SEMA3D: variants seen among roughly 807,000 people sequenced by gnomAD.
SEMA3D encodes the protein semaphorin-3D.
SEMA3D carries 84 observed loss-of-function variants against 100.1 expected under a neutral mutation model. The ratio of observed to expected loss-of-function variants is 0.84; its 90% CI spans 0.70 to 1.01. The LOEUF (loss-of-function observed/expected upper bound fraction) is 1.01. Ranked by LOEUF, SEMA3D falls within the 50% of genes least tolerant of loss-of-function variation. SEMA3D has a pLI of 0.00. For synonymous variants in SEMA3D, 312 were observed against 320.7 expected, an observed-to-expected ratio of 0.97 and a Z score of 0.29; for missense variants, 875 against 934.1, an observed-to-expected ratio of 0.94 and a Z score of 0.82.
At chr7:85,017,630 A>G (rs940893736) in intron 15 of SEMA3D, among the ~76,000 whole-genome samples, 2 of 151,752 alleles carry the variant, frequency 1.3e-5, no homozygotes, top group Non-Finnish European at 1.5e-5. Flanking sequence ...GAATCTCTTG[A>G]AACAATTGTA....
intron 1 of SEMA3D, among the ~76,000 whole-genome samples, chr7:85,173,509 G>A (rs566959126): frequency 1.3e-5 from 2 of 152,068 alleles, no homozygotes; most frequent in Non-Finnish European, 2.9e-5. Flanking sequence ...ATTCTCTTAT[G>A]AAAGTATATA....
the SEMA3D span, among the ~76,000 whole-genome samples, chr7:85,200,691 A>C: frequency 6.6e-6 from 1 of 152,222 alleles, no homozygotes; most frequent in East Asian, 1.9e-4. Flanking sequence ...AGTAACAAGG[A>C]GCTGAATGTT....
intron 2 of SEMA3D, chr7:85,140,907 T>A (rs1790030167): frequency 1.6e-6 from 1 of 624,838 alleles, no homozygotes; most frequent in Non-Finnish European, 2.0e-6. Flanking sequence ...TATCAACACC[T>A]CAGTTAGAGA....
chr7:85,230,344 C>T, the SEMA3D span, among the ~76,000 whole-genome samples: 132 of 152,306 alleles, frequency 8.7e-4, 1 homozygote, highest in African/African-American at 3.0e-3. Flanking sequence ...CTTGGGATAT[C>T]TCTACAGCAT....
intron 8 of SEMA3D, among the ~76,000 whole-genome samples, chr7:85,061,325 G>C (rs1207203153): frequency 1.3e-5 from 2 of 152,052 alleles, no homozygotes; most frequent in Non-Finnish European, 2.9e-5. Context: ...TTCTGAGAAG[G>C]ATCCTTGCAC....
At chr7:85,243,891 A>G in the SEMA3D span, among the ~76,000 whole-genome samples, 1 of 152,214 alleles carries the variant, frequency 6.6e-6, no homozygotes, top group South Asian at 2.1e-4. Flanking sequence ...CATATTGACA[A>G]TAAGAATATT....
At chr7:85,181,112 A>C (rs1791389745) in intron 1 of SEMA3D, among the ~76,000 whole-genome samples, 1 of 152,170 alleles carries the variant, frequency 6.6e-6, no homozygotes, top group African/African-American at 2.4e-5. Context: ...CCCACTGTTG[A>C]TATTGACCTT....
chr7:85,094,451 G>T (rs1298885633), intron 4 of SEMA3D, among the ~76,000 whole-genome samples: 1 of 151,916 alleles, frequency 6.6e-6, no homozygotes, highest in Non-Finnish European at 1.5e-5. Flanking sequence ...CACATTATCA[G>T]CTTGGCCTGT....
intron 1 of SEMA3D, among the ~76,000 whole-genome samples, chr7:85,165,287 A>T (rs1197141679): frequency 6.8e-6 from 1 of 147,078 alleles, no homozygotes; most frequent in Non-Finnish European, 1.5e-5. Context: ...TAAAAAAAAA[A>T]ACTTCTAGAG....
chr7:85,129,246 T>TA (rs1290203274), intron 2 of SEMA3D, among the ~76,000 whole-genome samples: 1 of 152,086 alleles, frequency 6.6e-6, no homozygotes, highest in Non-Finnish European at 1.5e-5. Flanking sequence ...GCACTTATTC[T>TA]AAGGTAAGAT....
At chr7:85,025,080 G>A (rs2115869294) in intron 12 of SEMA3D, among the ~76,000 whole-genome samples, 1 of 152,050 alleles carries the variant, frequency 6.6e-6, no homozygotes, top group Non-Finnish European at 1.5e-5. Flanking sequence ...GAAATCTAGT[G>A]GGTTTTTCTC....
the SEMA3D span, among the ~76,000 whole-genome samples, chr7:85,193,723 G>C: frequency 4.5e-4 from 68 of 152,192 alleles, no homozygotes; most frequent in African/African-American, 1.6e-3. Flanking sequence ...TTTAACAAAA[G>C]ACTGGGACCT....
At chr7:85,063,697 A>G (rs1791537117) in intron 8 of SEMA3D, among the ~76,000 whole-genome samples, 1 of 152,002 alleles carries the variant, frequency 6.6e-6, no homozygotes, top group East Asian at 1.9e-4. Flanking sequence ...GTCCTTCTTT[A>G]GTCTTCCATT....
At chr7:85,074,434 A>T (rs767483975) in intron 5 of SEMA3D, among the ~76,000 whole-genome samples, 28 of 152,260 alleles carry the variant, frequency 1.8e-4, no homozygotes, top group South Asian at 6.2e-4. Context: ...AAGGCAGACA[A>T]TGACTTAATG....
intron 2 of SEMA3D, chr7:85,143,086 CACAATAATG>C: frequency 1.1e-6 from 1 of 938,248 alleles, no homozygotes; most frequent in Non-Finnish European, 1.3e-6. Flanking sequence ...ATTAGTTATT[CACAATAATG>C]ACAATGAGTA....
chr7:85,078,535 A>G (rs1028119628), intron 5 of SEMA3D, among the ~76,000 whole-genome samples: 1 of 152,132 alleles, frequency 6.6e-6, no homozygotes, highest in Non-Finnish European at 1.5e-5. Context: ...CCACAATTAT[A>G]TAGTCAGAAC....
chr7:85,136,960 T>C (rs892923203), intron 2 of SEMA3D, among the ~76,000 whole-genome samples: 41 of 152,232 alleles, frequency 2.7e-4, no homozygotes, highest in African/African-American at 8.7e-4. Flanking sequence ...TTAATGTAAA[T>C]TTAGTATGTT....
intron 3 of SEMA3D, among the ~76,000 whole-genome samples, chr7:85,103,851 T>C (rs1788823110): frequency 6.6e-6 from 1 of 152,008 alleles, no homozygotes; most frequent in Non-Finnish European, 1.5e-5. Context: ...CAAATTTTGA[T>C]GGATGGATGA....
chr7:85,000,470 T>C (rs1386823032), intron 18 of SEMA3D, among the ~76,000 whole-genome samples: 1 of 152,176 alleles, frequency 6.6e-6, no homozygotes, highest in African/African-American at 2.4e-5. Context: ...GGTACGGGTA[T>C]AGTCTTTTGG....
Sources: allele counts gnomAD v4.1 joint callset (sites outside exome capture counted in the v4.1 genomes callset), GRCh38; gene constraint gnomAD v4.1.1; transcripts MANE v1.5; gene names NCBI Gene and HGNC (gene_info 2026-07-23, HGNC 2026-07-21).